The following AGTPBP1 variants were observed in gnomAD, a reference collection of about 807,000 sequenced individuals.
The protein encoded by AGTPBP1 is ATP/GTP binding carboxypeptidase 1.
A neutral mutation model predicts 143.9 loss-of-function variants in AGTPBP1; 70 were observed. The ratio of observed to expected loss-of-function variants is 0.49; its 90% CI spans 0.40 to 0.59. The LOEUF (loss-of-function observed/expected upper bound fraction) is 0.59. Ranked by LOEUF, AGTPBP1 falls within the 20% of genes least tolerant of loss-of-function variation. The probability of loss-of-function intolerance (pLI) is 0.00; values close to 1 mark genes in which losing one functional copy is unlikely to be tolerated. For synonymous variants in AGTPBP1, 463 were observed against 500.2 expected (o/e 0.93, Z 0.99); for missense variants, 1,229 against 1,464.5 (o/e 0.84, Z 2.62).
rs373713655 is a variant in AGTPBP1, at chr9:85,655,985, G to A, written c.910-665C>T. 1.3e-4 allele frequency among the ~76,000 whole-genome samples: 20 copies of A among 152,180 alleles called. No homozygotes were observed. The East Asian group carries it at 3.9e-3, about 29-fold the overall frequency. ...TGGGACTACAGGTGCCCGACACCAC[G>A]CCCGGCTAATTTTTTGTATTTTTAG... On this transcript the variant is annotated intron_variant, in intron 10 of 25. Transcript: ENST00000357081.
At chr9:85,556,626 G>A (rs1826360017) in intron 25 of AGTPBP1, among the ~76,000 whole-genome samples, 1 of 152,060 alleles carries the variant, frequency 6.6e-6, no homozygotes. Context: ...CTAGAAGGAT[G>A]GAAAAGATAT....
chr9:85,602,572 T>C (rs937880317), intron 17 of AGTPBP1, among the ~76,000 whole-genome samples: 2 of 152,094 alleles, frequency 1.3e-5, no homozygotes, highest in Non-Finnish European at 2.9e-5. Context: ...TGAGGGAAAG[T>C]AAACCTATTT....
chr9:85,581,618 C>T (rs555824462), intron 23 of AGTPBP1, among the ~76,000 whole-genome samples: 2 of 152,296 alleles, frequency 1.3e-5, no homozygotes, highest in African/African-American at 4.8e-5. Context: ...TCCTCATTTA[C>T]ATTATTGTTA....
chr9:85,616,810 C>T (rs922494825), intron 17 of AGTPBP1, among the ~76,000 whole-genome samples: 3 of 151,924 alleles, frequency 2.0e-5, no homozygotes, highest in African/African-American at 4.8e-5. Context: ...TGAGAAATAT[C>T]ACATTCCATA....
chr9:85,568,249 T>A (rs1827234215), intron 25 of AGTPBP1, among the ~76,000 whole-genome samples: 1 of 152,234 alleles, frequency 6.6e-6, no homozygotes, highest in Non-Finnish European at 1.5e-5. Context: ...ATAGGTCTGG[T>A]GATCTAATAA....
rs747880566 is a variant in AGTPBP1, at chr9:85,638,133, G to GTA, written c.1302+4692_1302+4693dup. Among the ~76,000 whole-genome samples the GTA allele has an allele frequency of 9.9e-4, 151 of 151,950 alleles. 1 individual carries two copies. Among genetic ancestry groups the GTA allele is most frequent in the Admixed American group, 3.5e-3 (54 of 15,244 alleles). On this transcript the variant is annotated intron_variant, in intron 13 of 25. Coordinates refer to ENST00000357081, the MANE Select transcript of AGTPBP1 (RefSeq NM_001330701.2). Reference sequence around the variant, plus strand: ...TTTATGTTTAGTAAAAAAAAAGTGTGTATATATATATGTTGATTTGGGAAG... The same window carrying GTA: ...TTTATGTTTAGTAAAAAAAAAGTGTGTATATATATATATGTTGATTTGGGAAG...
At chr9:85,641,732 C>T (rs1368921181) in intron 13 of AGTPBP1, among the ~76,000 whole-genome samples, 2 of 151,566 alleles carry the variant, frequency 1.3e-5, no homozygotes, top group East Asian at 3.9e-4. Context: ...AAGTCTCATT[C>T]TGTTGCCCAG....
intron 14 of AGTPBP1, among the ~76,000 whole-genome samples, chr9:85,625,884 CAAAAAAAAAA>C (rs1381818557): frequency 1.4e-5 from 1 of 73,192 alleles, no homozygotes; most frequent in African/African-American, 4.8e-5. Context: ...GACCCTGTCT[CAAAAAAAAAA>C]CCTAGTTTTG....
At chr9:85,577,582 G>A (rs1827976643) in intron 24 of AGTPBP1, among the ~76,000 whole-genome samples, 1 of 152,094 alleles carries the variant, frequency 6.6e-6, no homozygotes, top group South Asian at 2.1e-4. Context: ...AATATTCAGG[G>A]AGATCTCATA....
chr9:85,720,816 T>C (rs190042218), intron 1 of AGTPBP1, among the ~76,000 whole-genome samples: 2,254 of 152,256 alleles, frequency 0.015, 23 homozygotes, highest in Middle Eastern at 0.037. Flanking sequence ...TGTAAATTTT[T>C]CTCTACACAC....
intron 3 of AGTPBP1, among the ~76,000 whole-genome samples, chr9:85,689,925 A>AAATATAT (rs58719163): frequency 3.7e-4 from 27 of 72,508 alleles, no homozygotes; most frequent in East Asian, 1.0e-3. Context: ...AAAAAAAAAA[A>AAATATAT]ATATATATAT....
chr9:85,680,853 G>A (rs1444979105), intron 4 of AGTPBP1, among the ~76,000 whole-genome samples: 1 of 152,200 alleles, frequency 6.6e-6, no homozygotes, highest in Non-Finnish European at 1.5e-5. Flanking sequence ...TAACCAATAT[G>A]TGTAGTAAAA....
At chr9:85,564,633 C>A (rs188912120) in intron 25 of AGTPBP1, among the ~76,000 whole-genome samples, 1 of 152,346 alleles carries the variant, frequency 6.6e-6, no homozygotes, top group Admixed American at 6.5e-5. Flanking sequence ...CATACGGTCA[C>A]ATGCTGTACA....
rs575917387 is a variant in AGTPBP1, at chr9:85,669,291, ATT to A, written c.662+192_662+193del. ...TATTCAATGAAGTCAAAACTGTCCA[ATT>A]TTGAGATATTTGTGAAGATTAAATT... is the stretch of plus-strand genomic sequence containing the variant. On this transcript the variant is annotated intron_variant, in intron 8 of 25. Transcript: ENST00000357081. 9.2e-5 allele frequency among the ~76,000 whole-genome samples: 14 copies of A among 152,092 alleles called. 1 individual carries two copies. In the South Asian group the frequency reaches 1.5e-3, roughly 16 times the overall value.
chr9:85,770,332 G>A, the AGTPBP1 span: 16 of 1,607,784 alleles, frequency 1.0e-5, no homozygotes, highest in Non-Finnish European at 1.4e-5. Context: ...AGCTTTGGAA[G>A]CTGCAATTGA....
intron 12 of AGTPBP1, among the ~76,000 whole-genome samples, chr9:85,644,622 A>C (rs1191134443): frequency 6.6e-6 from 1 of 152,150 alleles, no homozygotes; most frequent in Non-Finnish European, 1.5e-5. Flanking sequence ...CTGCTAGTTA[A>C]GGAAGGAACA....
the AGTPBP1 span, among the ~76,000 whole-genome samples, chr9:85,791,109 G>A: frequency 6.6e-6 from 1 of 152,166 alleles, no homozygotes; most frequent in South Asian, 2.1e-4. Context: ...GCCAGGCACG[G>A]TGGCTCATGC....
the AGTPBP1 span, among the ~76,000 whole-genome samples, chr9:85,774,681 C>T: frequency 6.6e-6 from 1 of 152,192 alleles, no homozygotes; most frequent in Non-Finnish European, 1.5e-5. Flanking sequence ...GATACTGTTA[C>T]TCCTTCAATT....
chr9:85,770,438 C>A, the AGTPBP1 span: 4 of 1,596,164 alleles, frequency 2.5e-6, no homozygotes, highest in Non-Finnish European at 3.4e-6. Flanking sequence ...GAAAAACTAG[C>A]TTGCCTGAGT....
Sources: gnomAD v4.1 joint callset for allele counts (sites outside exome capture counted in the v4.1 genomes callset) on GRCh38, gnomAD v4.1.1 for gene constraint, MANE v1.5 for transcripts, NCBI Gene and HGNC (gene_info 2026-07-23, HGNC 2026-07-21) for gene names.